Variants in PDE4D observed in about 807,000 individuals in gnomAD.
PDE4D encodes phosphodiesterase 4D.
PDE4D carries 24 observed loss-of-function variants against 87.4 expected under a neutral mutation model. That is an observed-to-expected ratio of 0.27 (90% CI 0.20 to 0.39). PDE4D has a LOEUF of 0.39. Ranked by LOEUF, PDE4D falls within the 10% of genes least tolerant of loss-of-function variation. The pLI is 1.00. For missense variants in PDE4D, 714 were observed against 1,041.0 expected, an observed-to-expected ratio of 0.69 and a Z score of 4.32; for synonymous variants, 384 against 383.2, an observed-to-expected ratio of 1.00 and a Z score of -0.02.
intron 6 of PDE4D, among the ~76,000 whole-genome samples, chr5:58,994,263 G>T (rs1194489191): frequency 6.6e-6 from 1 of 151,954 alleles, no homozygotes; most frequent in African/African-American, 2.4e-5. Context: ...CTATTTCATT[G>T]AAAGAAACAC....
chr5:59,472,284 G>A (rs1254227238), intron 1 of PDE4D, among the ~76,000 whole-genome samples: 1 of 152,132 alleles, frequency 6.6e-6, no homozygotes, highest in Non-Finnish European at 1.5e-5. Flanking sequence ...TCGTATGACT[G>A]GAAGCCAACT....
At chr5:59,768,517 G>C in intron 1 of PDE4D, 1 of 1,597,992 alleles carries the variant, frequency 6.3e-7, no homozygotes, top group Middle Eastern at 1.7e-4. Context: ...CATTTTCCTG[G>C]TCAACTTTGT....
chr5:59,768,750 G>T, intron 1 of PDE4D: 1 of 904,942 alleles, frequency 1.1e-6, no homozygotes, highest in Non-Finnish European at 1.6e-6. Flanking sequence ...TCACTGACAA[G>T]CTCGCATAGC....
intron 2 of PDE4D, among the ~76,000 whole-genome samples, chr5:59,211,754 T>A (rs1309915136): frequency 6.6e-6 from 1 of 152,146 alleles, no homozygotes; most frequent in Admixed American, 6.6e-5. Flanking sequence ...ATGTATGTTA[T>A]GATTATTATT....
At chr5:60,477,916 A>G (rs1433419038) in intron 1 of PDE4D, among the ~76,000 whole-genome samples, 1 of 152,230 alleles carries the variant, frequency 6.6e-6, no homozygotes, top group African/African-American at 2.4e-5. Context: ...TAAAATAATC[A>G]GAATCTGCTT....
At chr5:60,078,920 T>C (rs1325652578) in intron 2 of PDE4D, among the ~76,000 whole-genome samples, 3 of 152,208 alleles carry the variant, frequency 2.0e-5, no homozygotes, top group Non-Finnish European at 4.4e-5. Context: ...GATTGCTGGG[T>C]CAAATAGTAT....
chr5:60,405,183 T>C (rs1216199411), intron 1 of PDE4D, among the ~76,000 whole-genome samples: 1 of 152,218 alleles, frequency 6.6e-6, no homozygotes, highest in East Asian at 1.9e-4. Context: ...AAGGGATCAG[T>C]ATCCTATCAG....
intron 3 of PDE4D, among the ~76,000 whole-genome samples, chr5:59,966,619 C>G (rs1760086142): frequency 6.6e-6 from 1 of 152,156 alleles, no homozygotes; most frequent in South Asian, 2.1e-4. Flanking sequence ...AGAAATGGTA[C>G]AGATGTTTCA....
rs200522528 is a variant in PDE4D, at chr5:60,051,752, G to GT, written c.43-63036dup. 2.6e-3 allele frequency among the ~76,000 whole-genome samples: 394 copies of GT among 151,076 alleles called. 2 individuals are homozygous for GT. In the Middle Eastern group the frequency reaches 0.041, roughly 16 times the overall value. On this transcript the variant is annotated intron_variant, in intron 2 of 16. Transcript: ENST00000502484. Reference sequence around the variant, plus strand: ...CAAAAAATCAATGAATCCAGGAGCTGTTTTTTTTTAAAAAAGATTAACAAA... The same window carrying GT: ...CAAAAAATCAATGAATCCAGGAGCTGTTTTTTTTTTAAAAAAGATTAACAAA...
At chr5:60,392,138 G>A (rs1217261270) in intron 1 of PDE4D, among the ~76,000 whole-genome samples, 1 of 152,180 alleles carries the variant, frequency 6.6e-6, no homozygotes, top group Non-Finnish European at 1.5e-5. Context: ...TTCACACAGT[G>A]TAAGGAATCA....
At chr5:59,220,377 C>CAAAAAAAAAAAAAAAAAAAA (rs57610513) in intron 1 of PDE4D, among the ~76,000 whole-genome samples, 7 of 36,152 alleles carry the variant, frequency 1.9e-4, no homozygotes, top group African/African-American at 3.9e-4. Context: ...GACTCTGTCT[C>CAAAAAAAAAAAAAAAAAAAA]AAAAAAAAAA....
chr5:59,275,949 T>C, intron 1 of PDE4D: 2 of 985,066 alleles, frequency 2.0e-6, no homozygotes, highest in Non-Finnish European at 1.2e-6. Flanking sequence ...TCTCCACACT[T>C]TGGCTGGGTG....
At chr5:60,147,177 A>C (rs897786431) in intron 2 of PDE4D, among the ~76,000 whole-genome samples, 1 of 152,228 alleles carries the variant, frequency 6.6e-6, no homozygotes, top group African/African-American at 2.4e-5. Context: ...ATCACAGGCA[A>C]AGCGTGAACT....
Position 59,240,805 on chromosome 5 carries a change from C to T in PDE4D, c.456-24837G>A, listed in dbSNP as rs1439636684. On this transcript the variant is annotated intron_variant, in intron 1 of 14. Coordinates refer to ENST00000340635, the MANE Select transcript of PDE4D (RefSeq NM_001104631.2). ...ACACACACACACACACACACACACA[C>T]ACATCCCTTTTGGATGTAATTCCAT... Among the ~76,000 whole-genome samples, 13 of 148,368 alleles carry T rather than the reference C, an allele frequency of 8.8e-5. 1 individual carries two copies. The East Asian group carries it at 1.8e-3, about 20-fold the overall frequency.
At chr5:59,213,529 C>G (rs767637390) in intron 2 of PDE4D, among the ~76,000 whole-genome samples, 1 of 152,076 alleles carries the variant, frequency 6.6e-6, no homozygotes, top group Admixed American at 6.6e-5. Context: ...CTCTTTCTAT[C>G]TCCTGGAGCC....
chr5:60,263,715 A>T (rs1248570945), intron 1 of PDE4D, among the ~76,000 whole-genome samples: 1 of 152,162 alleles, frequency 6.6e-6, no homozygotes, highest in African/African-American at 2.4e-5. Flanking sequence ...TTATAGAGGC[A>T]TACCTACCTG....
intron 1 of PDE4D, among the ~76,000 whole-genome samples, chr5:59,469,433 T>C (rs1293413767): frequency 6.6e-6 from 1 of 152,120 alleles, no homozygotes; most frequent in Non-Finnish European, 1.5e-5. Context: ...GAAAAAAGAA[T>C]AAATAATAAG....
intron 7 of PDE4D, 84 bp from the exon 8 acceptor site, chr5:58,992,088 G>T: frequency 1.2e-6 from 1 of 834,024 alleles, no homozygotes; most frequent in Non-Finnish European, 1.7e-6. Flanking sequence ...GATTATAATT[G>T]ATCATTATAT....
chr5:59,142,506 G>A (rs1778035036), intron 5 of PDE4D, among the ~76,000 whole-genome samples: 1 of 152,224 alleles, frequency 6.6e-6, no homozygotes. Context: ...TGGAAAAGTT[G>A]ACTTCAAGCA....
Sources: gnomAD v4.1 joint callset for allele counts (sites outside exome capture counted in the v4.1 genomes callset) on GRCh38, gnomAD v4.1.1 for gene constraint, MANE v1.5 for transcripts, NCBI Gene and HGNC (gene_info 2026-07-23, HGNC 2026-07-21) for gene names.